GLRB: variants seen among roughly 807,000 people sequenced by gnomAD.
GLRB encodes glycine receptor beta.
A neutral mutation model predicts 54.2 loss-of-function variants in GLRB; 33 were observed. The ratio of observed to expected loss-of-function variants is 0.61; its 90% CI spans 0.46 to 0.81. The LOEUF (loss-of-function observed/expected upper bound fraction) is 0.81, where lower values mean the gene tolerates loss of function less well. Among genes scored for constraint, GLRB ranks in the 40% least tolerant of loss-of-function variants. The probability of loss-of-function intolerance (pLI) is 0.00; values close to 1 mark genes in which losing one functional copy is unlikely to be tolerated. For missense variants in GLRB, 572 were observed against 584.6 expected (o/e 0.98, Z 0.22); for synonymous variants, 209 against 208.2 (o/e 1.00, Z -0.03).
chr4:157,099,535 C>T (rs1461239752), intron 2 of GLRB, among the ~76,000 whole-genome samples: 4 of 152,026 alleles, frequency 2.6e-5, no homozygotes, highest in South Asian at 2.1e-4. Flanking sequence ...CGGGGTTTCA[C>T]CATGTTGGCC....
intron 4 of GLRB, among the ~76,000 whole-genome samples, chr4:157,126,810 G>A (rs1736030960): frequency 6.6e-6 from 1 of 151,754 alleles, no homozygotes; most frequent in Non-Finnish European, 1.5e-5. Context: ...ATCGTGTATT[G>A]TCATAATCTA....
chr4:157,146,518 G>C (rs1315709407), intron 8 of GLRB, among the ~76,000 whole-genome samples: 1 of 151,094 alleles, frequency 6.6e-6, no homozygotes, highest in Non-Finnish European at 1.5e-5. Flanking sequence ...TGCAGGTGCT[G>C]ATAAATATTT....
intron 4 of GLRB, among the ~76,000 whole-genome samples, chr4:157,127,336 G>A (rs781496829): frequency 1.5e-4 from 23 of 151,682 alleles, no homozygotes; most frequent in Non-Finnish European, 2.7e-4. Context: ...CATCTTAGAT[G>A]TAAAATCATA....
At chr4:157,076,481 G>T (rs1216878434) in intron 1 of GLRB, 184 bp downstream of exon 1, 1 of 151,392 alleles carries the variant, frequency 6.6e-6, no homozygotes, top group Non-Finnish European at 1.5e-5. Context: ...GGCGCGGGGC[G>T]CCTGGCAGCG....
chr4:157,136,289 G>A, intron 4 of GLRB, 180 bp from the exon 5 acceptor site: 4 of 603,270 alleles, frequency 6.6e-6, no homozygotes, highest in Non-Finnish European at 8.9e-6. Flanking sequence ...AGAGACAAGT[G>A]TCTTTATACT....
intron 9 of GLRB, among the ~76,000 whole-genome samples, chr4:157,154,740 T>A (rs1233725499): frequency 6.6e-6 from 1 of 152,180 alleles, no homozygotes; most frequent in Non-Finnish European, 1.5e-5. Context: ...TTTTTCCTTT[T>A]TTAATGTGGG....
intron 2 of GLRB, among the ~76,000 whole-genome samples, chr4:157,107,507 A>T (rs1213589480): frequency 6.6e-6 from 1 of 152,230 alleles, no homozygotes; most frequent in African/African-American, 2.4e-5. Flanking sequence ...TGGTCTAGAT[A>T]GAAGACCAAA....
chr4:157,090,820 A>T (rs1026777250), intron 2 of GLRB, among the ~76,000 whole-genome samples: 3 of 152,144 alleles, frequency 2.0e-5, no homozygotes, highest in Admixed American at 2.0e-4. Flanking sequence ...ATCACTTATG[A>T]TCTCATTGGA....
chr4:157,086,236 A>G (rs878926264), intron 2 of GLRB, among the ~76,000 whole-genome samples: 1 of 152,200 alleles, frequency 6.6e-6, no homozygotes, highest in Admixed American at 6.5e-5. Context: ...CTTGCTTAAT[A>G]TATCTAGGCT....
chr4:157,166,293 C>T (rs187997641), intron 9 of GLRB, among the ~76,000 whole-genome samples: 2 of 152,022 alleles, frequency 1.3e-5, no homozygotes, highest in East Asian at 1.9e-4. Context: ...TAGCCAAATT[C>T]GCTTTTAAGA....
chr4:157,086,443 C>T (rs1365685832), intron 2 of GLRB, among the ~76,000 whole-genome samples: 1 of 152,042 alleles, frequency 6.6e-6, no homozygotes. Flanking sequence ...TTACCTGAAG[C>T]ATTATGTTGA....
rs6843570 is a variant in GLRB at position 157,117,331 on chromosome 4, C to T, written c.123-3225C>T. Among the ~76,000 whole-genome samples, 729 of 151,826 alleles carry T rather than the reference C, an allele frequency of 4.8e-3. 9 individuals are homozygous for T. Among genetic ancestry groups the T allele is most frequent in the African/African-American group, 0.016 (671 of 41,488 alleles). ...ACCCTGCTGTCTTAGTTTCTTCATA[C>T]ACCATGTACTCTACAGGTTCATTTA... is the stretch of plus-strand genomic sequence containing the variant. On this transcript the variant is annotated intron_variant, in intron 2 of 9. Transcript: ENST00000264428.
chr4:157,162,468 GT>G (rs1239776136), intron 9 of GLRB, among the ~76,000 whole-genome samples: 1 of 152,162 alleles, frequency 6.6e-6, no homozygotes, highest in Non-Finnish European at 1.5e-5. Flanking sequence ...TATCTTTGTG[GT>G]TTTATCTACC....
chr4:157,131,447 T>A (rs900697104), intron 4 of GLRB, among the ~76,000 whole-genome samples: 10 of 151,872 alleles, frequency 6.6e-5, no homozygotes, highest in African/African-American at 2.4e-4. Flanking sequence ...CCAAAGTTTA[T>A]CTTTTATATT....
intron 2 of GLRB, among the ~76,000 whole-genome samples, chr4:157,107,972 A>G (rs892790326): frequency 1.2e-4 from 19 of 152,084 alleles, no homozygotes; most frequent in African/African-American, 4.6e-4. Context: ...GAATTATGCA[A>G]AATCTACTCT....
chr4:157,135,008 T>A (rs1736349804), intron 4 of GLRB, among the ~76,000 whole-genome samples: 1 of 152,150 alleles, frequency 6.6e-6, no homozygotes, highest in Admixed American at 6.6e-5. Flanking sequence ...AATGTGATTT[T>A]GTAAAGCACT....
At chr4:157,124,519 C>T (rs1735948725) in intron 4 of GLRB, among the ~76,000 whole-genome samples, 1 of 151,666 alleles carries the variant, frequency 6.6e-6, no homozygotes, top group Non-Finnish European at 1.5e-5. Flanking sequence ...ATGGTGAACA[C>T]ATAAATAAAT....
intron 4 of GLRB, among the ~76,000 whole-genome samples, chr4:157,132,593 T>C (rs990386247): frequency 2.0e-5 from 3 of 151,846 alleles, no homozygotes; most frequent in Non-Finnish European, 4.4e-5. Flanking sequence ...CAACAAGTAT[T>C]GCTTTGTTCT....
intron 2 of GLRB, among the ~76,000 whole-genome samples, chr4:157,118,037 G>A (rs930845082): frequency 6.6e-6 from 1 of 151,642 alleles, no homozygotes; most frequent in African/African-American, 2.4e-5. Context: ...AATATTCCAG[G>A]AAGAGAGACT....
Sources: allele counts gnomAD v4.1 joint callset (sites outside exome capture counted in the v4.1 genomes callset), GRCh38; gene constraint gnomAD v4.1.1; transcripts MANE v1.5; gene names NCBI Gene and HGNC (gene_info 2026-07-23, HGNC 2026-07-21).